The following RHEB variants were observed in gnomAD, a reference collection of about 807,000 sequenced individuals.
RHEB encodes the protein Ras homolog, mTORC1 binding, also known as GTP-binding protein Rheb.
In RHEB, 2 loss-of-function variants were observed where a neutral mutation model predicts 28.8. The ratio of observed to expected loss-of-function variants is 0.07; its 90% confidence interval spans 0.03 to 0.22. The LOEUF (loss-of-function observed/expected upper bound fraction) is 0.22, where lower values mean the gene tolerates loss of function less well. Among genes scored for constraint, RHEB ranks in the 10% least tolerant of loss-of-function variants. The pLI is 1.00. For missense variants in RHEB, 76 were observed against 219.9 expected (o/e 0.35, Z 4.14); for synonymous variants, 69 against 77.3 (o/e 0.89, Z 0.56).
chr7:151,502,548 C>A, intron 1 of RHEB: 2 of 1,042,778 alleles, frequency 1.9e-6, no homozygotes, highest in Non-Finnish European at 3.0e-6. Flanking sequence ...CCAATTAATA[C>A]GTCATTGTAT....
rs916957918 is a variant in RHEB at position 151,467,321 on chromosome 7, G to A, written c.463-110C>T. ...CTGCCCTGCCCTCCTACTGGTGGAG[G>A]AGGAGGGGTTCTGGTGAGCCCCAGA... On this transcript the variant is annotated intron_variant, in intron 7 of 7. Coordinates refer to ENST00000262187, the MANE Select transcript of RHEB (RefSeq NM_005614.4). 6.4e-6 allele frequency: 5 copies of A among 781,446 alleles called. No homozygotes were observed. In the Admixed American group the frequency reaches 8.4e-5, roughly 13 times the overall value. 48.4% of individuals were successfully genotyped at this position (781,446 alleles called of 1,614,324 possible).
chr7:151,499,453 C>T (rs1358981517), intron 1 of RHEB, among the ~76,000 whole-genome samples: 1 of 152,234 alleles, frequency 6.6e-6, no homozygotes, highest in Non-Finnish European at 1.5e-5. Context: ...AAACTCATGA[C>T]TGTGGTGTGA....
At chr7:151,511,529 C>G (rs1016685099) in intron 1 of RHEB, among the ~76,000 whole-genome samples, 1 of 151,894 alleles carries the variant, frequency 6.6e-6, no homozygotes, top group Non-Finnish European at 1.5e-5. Context: ...CTGTTCTAAA[C>G]TAATACCAGT....
At chr7:151,467,983 T>G (rs1298939544) in intron 7 of RHEB, among the ~76,000 whole-genome samples, 3 of 152,114 alleles carry the variant, frequency 2.0e-5, no homozygotes, top group African/African-American at 7.2e-5. Flanking sequence ...CGCCTCCTTA[T>G]GCACCAGGAC....
At chr7:151,481,252 C>T (rs1215730107) in intron 3 of RHEB, among the ~76,000 whole-genome samples, 3 of 151,900 alleles carry the variant, frequency 2.0e-5, no homozygotes, top group Non-Finnish European at 4.4e-5. Flanking sequence ...TGTATTTAAC[C>T]ATGTTCATCA....
chr7:151,508,806 GCAAGGCTGCTCTGTA>G (rs1331312783), intron 1 of RHEB, among the ~76,000 whole-genome samples: 1 of 151,764 alleles, frequency 6.6e-6, no homozygotes. Context: ...TTTCCATTGG[GCAAGGCTGCTCTGTA>G]CCCTTGTTTA....
At chr7:151,513,971 G>C (rs946348117) in intron 1 of RHEB, among the ~76,000 whole-genome samples, 1 of 152,090 alleles carries the variant, frequency 6.6e-6, no homozygotes, top group African/African-American at 2.4e-5. Flanking sequence ...AAATAATAAA[G>C]TTAGAGGACT....
At chr7:151,488,504 TTTTC>T (rs1403191554) in intron 2 of RHEB, among the ~76,000 whole-genome samples, 1 of 152,264 alleles carries the variant, frequency 6.6e-6, no homozygotes, top group Non-Finnish European at 1.5e-5. Flanking sequence ...TAACCTTTTC[TTTTC>T]TTTCTAATTC....
intron 2 of RHEB, among the ~76,000 whole-genome samples, chr7:151,490,196 G>A (rs1036852866): frequency 2.0e-5 from 3 of 152,182 alleles, no homozygotes; most frequent in African/African-American, 7.2e-5. Flanking sequence ...CCAGCCACCT[G>A]GGAGGCTGAG....
At chr7:151,479,336 GA>G (rs961617102) in intron 3 of RHEB, among the ~76,000 whole-genome samples, 7 of 152,134 alleles carry the variant, frequency 4.6e-5, no homozygotes, top group African/African-American at 1.7e-4. Flanking sequence ...ATTTAAAGAT[GA>G]AAACGATGCG....
intron 1 of RHEB, among the ~76,000 whole-genome samples, chr7:151,499,312 C>T (rs535577540): frequency 2.6e-5 from 4 of 152,042 alleles, no homozygotes; most frequent in Admixed American, 6.6e-5. Context: ...GAGCCAAGAT[C>T]GTGCCACTGC....
intron 1 of RHEB, chr7:151,502,266 G>A: frequency 1.6e-6 from 1 of 609,706 alleles, no homozygotes; most frequent in Non-Finnish European, 3.0e-6. Flanking sequence ...GAGGCAGCCT[G>A]CAGCAATGGC....
intron 3 of RHEB, among the ~76,000 whole-genome samples, chr7:151,479,478 T>C (rs913039777): frequency 1.9e-4 from 29 of 152,132 alleles, no homozygotes; most frequent in East Asian, 3.9e-4. Flanking sequence ...GTCAGGAGAT[T>C]CATATCATCC....
At chr7:151,473,149 G>A (rs1007450267) in intron 4 of RHEB, among the ~76,000 whole-genome samples, 1 of 152,240 alleles carries the variant, frequency 6.6e-6, no homozygotes, top group Admixed American at 6.5e-5. Context: ...CAAAGGTGAT[G>A]GAATGTCCCT....
intron 1 of RHEB, among the ~76,000 whole-genome samples, chr7:151,506,042 G>A (rs1802871486): frequency 6.6e-6 from 1 of 152,080 alleles, no homozygotes; most frequent in Non-Finnish European, 1.5e-5. Context: ...TTCATATTTT[G>A]ATAAAGGCAG....
intron 3 of RHEB, among the ~76,000 whole-genome samples, chr7:151,481,155 A>G (rs151251254): frequency 1.9e-3 from 287 of 151,476 alleles, no homozygotes; most frequent in African/African-American, 6.6e-3. Flanking sequence ...GATACTTCAC[A>G]TTCTTACCCC....
At chr7:151,509,906 G>C (rs1802953060) in intron 1 of RHEB, among the ~76,000 whole-genome samples, 1 of 152,158 alleles carries the variant, frequency 6.6e-6, no homozygotes, top group Non-Finnish European at 1.5e-5. Flanking sequence ...TAGAATAGCT[G>C]CAAGAGAGGC....
chr7:151,492,330 G>A (rs1162357864), intron 1 of RHEB, among the ~76,000 whole-genome samples: 1 of 152,090 alleles, frequency 6.6e-6, no homozygotes, highest in Admixed American at 6.6e-5. Context: ...AGTAGTGGTT[G>A]CTGGCCGGGT....
At chr7:151,500,358 C>T (rs1220914810) in intron 1 of RHEB, among the ~76,000 whole-genome samples, 1 of 152,022 alleles carries the variant, frequency 6.6e-6, no homozygotes, top group Non-Finnish European at 1.5e-5. Context: ...AAAGTATGTA[C>T]CTGGTTTCAA....
Sources: gnomAD v4.1 joint callset for allele counts (sites outside exome capture counted in the v4.1 genomes callset) on GRCh38, gnomAD v4.1.1 for gene constraint, MANE v1.5 for transcripts, NCBI Gene and HGNC (gene_info 2026-07-23, HGNC 2026-07-21) for gene names.